TTC21B: variants seen among roughly 807,000 people sequenced by gnomAD.
TTC21B encodes tetratricopeptide repeat domain 21B.
Under a neutral mutation model 175.1 loss-of-function variants are expected in TTC21B, and 127 were observed. That is an observed-to-expected ratio of 0.73 (90% CI 0.63 to 0.84). TTC21B has a LOEUF of 0.84. Ranked by LOEUF, TTC21B falls within the 40% of genes least tolerant of loss-of-function variation. TTC21B has a pLI of 0.00. For synonymous variants in TTC21B, 524 were observed against 524.5 expected, an observed-to-expected ratio of 1.00 and a Z score of 0.01; for missense variants, 1,561 against 1,558.3, an observed-to-expected ratio of 1.00 and a Z score of -0.03.
chr2:165,876,293 T>G, intron 27 of TTC21B, 61 bp from the exon 28 acceptor site: 1 of 1,043,796 alleles, frequency 9.6e-7, no homozygotes, highest in Non-Finnish European at 1.5e-6. Context: ...TACTTTTCCT[T>G]GCCTCCTCCT....
chr2:165,891,128 T>C, intron 22 of TTC21B, 140 bp from the exon 23 acceptor site: 1 of 753,448 alleles, frequency 1.3e-6, no homozygotes, highest in Non-Finnish European at 2.1e-6. Flanking sequence ...CAGGGTATAA[T>C]TCCCTATAGA....
chr2:165,939,322 C>T (rs1158052688), intron 6 of TTC21B, among the ~76,000 whole-genome samples: 25 of 152,136 alleles, frequency 1.6e-4, no homozygotes, highest in Admixed American at 1.6e-3. Context: ...GTCACTTATT[C>T]TCAAGATTCT....
At chr2:165,931,981 C>T in intron 7 of TTC21B, 125 bp from the exon 8 acceptor site, 1 of 688,024 alleles carries the variant, frequency 1.5e-6, no homozygotes, top group South Asian at 1.6e-5. Flanking sequence ...TTTATAAATT[C>T]CTCCTCCTTC....
intron 18 of TTC21B, among the ~76,000 whole-genome samples, chr2:165,909,951 T>C (rs1453763187): frequency 6.6e-6 from 1 of 152,172 alleles, no homozygotes; most frequent in Non-Finnish European, 1.5e-5. Flanking sequence ...AATAATTGTG[T>C]ATATATGAGA....
Position 165,945,566 on chromosome 2 carries a change from T to G in TTC21B, c.387A>C (p.Glu129Asp). 1 of 1,613,798 alleles carries G rather than the reference T, an allele frequency of 6.2e-7. No individual in the cohort carries two copies. Among genetic ancestry groups the G allele is most frequent in the South Asian group, 1.1e-5 (1 of 91,074 alleles). The change falls in exon 4 of 29, where the codon GAA (glutamate) becomes GAC (aspartate). Residue 129 changes from glutamate (E) to aspartate (D), a missense_variant. Glu to Asp is a conservative substitution (Grantham distance 45). Transcript: ENST00000243344. ...ATATTTTGATCATTCTGTCAATATA[T>G]TCCCTTGCTTTATCATGGCGACCAA... ...WHIGRHDKAR[E>D]YIDRMIKISD...
At chr2:165,888,250 C>T (rs2105289255) in intron 25 of TTC21B, 29 bp downstream of exon 25, 2 of 1,509,280 alleles carry the variant, frequency 1.3e-6, no homozygotes, top group Non-Finnish European at 1.8e-6. Flanking sequence ...AAAGATACCA[C>T]ATGAAGCTGA....
chr2:165,930,427 T>C (rs1291885592), intron 8 of TTC21B, 63 bp from the exon 9 acceptor site: 10 of 1,169,504 alleles, frequency 8.6e-6, no homozygotes, highest in Non-Finnish European at 1.2e-5. Context: ...GACTAAAGGA[T>C]TATTTTTTCT....
chr2:165,919,494 G>A (rs886383603), intron 12 of TTC21B, 61 bp from the exon 13 acceptor site: 6 of 1,563,124 alleles, frequency 3.8e-6, no homozygotes, highest in Non-Finnish European at 5.3e-6. Context: ...GATCTGAGAG[G>A]GAAGAGGAAG....
At chr2:165,917,973 T>A (rs1392214314) in intron 13 of TTC21B, among the ~76,000 whole-genome samples, 1 of 152,170 alleles carries the variant, frequency 6.6e-6, no homozygotes, top group African/African-American at 2.4e-5. Context: ...GAAGCTTCCA[T>A]CTTTACGTTG....
chr2:165,937,573 A>G (rs1687197276), intron 6 of TTC21B, among the ~76,000 whole-genome samples: 1 of 152,076 alleles, frequency 6.6e-6, no homozygotes, highest in South Asian at 2.1e-4. Context: ...CTTCTGTTTA[A>G]TTTTGCTGTG....
At chr2:165,909,884 T>C (rs1221031868) in intron 18 of TTC21B, among the ~76,000 whole-genome samples, 1 of 152,204 alleles carries the variant, frequency 6.6e-6, no homozygotes, top group Non-Finnish European at 1.5e-5. Context: ...GAAAAATGCA[T>C]ACTGCAGAAT....
At chr2:165,911,495 C>T (rs555158724) in intron 17 of TTC21B, 30 bp from the exon 18 acceptor site, 2 of 1,613,162 alleles carry the variant, frequency 1.2e-6, no homozygotes, top group East Asian at 2.2e-5. Context: ...TTTAAGGGAA[C>T]AAGGCAATGA....
intron 6 of TTC21B, among the ~76,000 whole-genome samples, chr2:165,940,776 A>G (rs966770005): frequency 6.6e-6 from 1 of 152,204 alleles, no homozygotes; most frequent in Non-Finnish European, 1.5e-5. Context: ...CTTAAATATA[A>G]GCTTCATGAC....
chr2:165,940,347 C>T (rs1248560985), intron 6 of TTC21B, among the ~76,000 whole-genome samples: 4 of 152,140 alleles, frequency 2.6e-5, no homozygotes, highest in Non-Finnish European at 2.9e-5. Context: ...CTCCTCTGCT[C>T]AAAACCCTCC....
chr2:165,881,337 C>T (rs564800644), intron 26 of TTC21B, among the ~76,000 whole-genome samples: 60 of 152,184 alleles, frequency 3.9e-4, no homozygotes, highest in African/African-American at 1.3e-3. Context: ...CTTAATAGCA[C>T]CAAATATCCA....
At position 165,907,786 on chromosome 2, in the gene TTC21B, T is replaced by C. The variant is rs1446731006; in HGVS notation, c.2462-2A>G. 6.3e-7 allele frequency: 1 copy of C among 1,592,068 alleles called. No individual in the cohort carries two copies. The highest frequency in any genetic ancestry group is 1.7e-5 in the Admixed American group (1 of 59,978). ...CCATGAGAGCTGACAGTTCATTTAC[T>C]ATGAAAGAATGGAATGTAATGCAAA... is the stretch of plus-strand genomic sequence containing the variant. On this transcript the variant is annotated splice_acceptor_variant, in intron 18 of 28. Coordinates refer to ENST00000243344, the MANE Select transcript of TTC21B (RefSeq NM_024753.5). LOFTEE classifies it high-confidence loss of function.
intron 26 of TTC21B, among the ~76,000 whole-genome samples, chr2:165,883,479 C>A (rs1684900751): frequency 6.6e-6 from 1 of 152,178 alleles, no homozygotes; most frequent in African/African-American, 2.4e-5. Context: ...TGTTCTTCTG[C>A]AATTTTCATT....
intron 22 of TTC21B, among the ~76,000 whole-genome samples, chr2:165,897,341 G>A (rs1001195804): frequency 6.6e-6 from 1 of 152,184 alleles, no homozygotes; most frequent in African/African-American, 2.4e-5. Flanking sequence ...GTGGTAAAAA[G>A]TGATGGCATT....
chr2:165,911,528 T>C (rs1685933748), intron 17 of TTC21B, 63 bp from the exon 18 acceptor site: 1 of 1,584,948 alleles, frequency 6.3e-7, no homozygotes, highest in Admixed American at 1.7e-5. Context: ...AGCAGAGCTA[T>C]TTAATACATT....
Sources: gnomAD v4.1 joint callset for allele counts (sites outside exome capture counted in the v4.1 genomes callset) on GRCh38, gnomAD v4.1.1 for gene constraint, MANE v1.5 for transcripts, NCBI Gene and HGNC (gene_info 2026-07-23, HGNC 2026-07-21) for gene names.